The following TANGO6 variants were observed in gnomAD, a reference collection of about 807,000 sequenced individuals.
TANGO6 encodes the protein transport and golgi organization 6 homolog.
A neutral mutation model predicts 114.2 loss-of-function variants in TANGO6; 90 were observed. The observed-to-expected ratio is 0.79, with a 90% CI of 0.66 to 0.94. TANGO6 has a LOEUF of 0.94. Among genes scored for constraint, TANGO6 ranks in the 40% least tolerant of loss-of-function variants. TANGO6 has a pLI of 0.00. For missense variants in TANGO6, 1,274 were observed against 1,315.3 expected, an observed-to-expected ratio of 0.97 and a Z score of 0.49; for synonymous variants, 477 against 509.8, an observed-to-expected ratio of 0.94 and a Z score of 0.87.
At chr16:68,858,098 C>T (rs1962029475) in intron 1 of TANGO6, among the ~76,000 whole-genome samples, 1 of 149,674 alleles carries the variant, frequency 6.7e-6, no homozygotes, top group African/African-American at 2.5e-5. Context: ...GAGTCTCACT[C>T]TGTCACCCAG....
rs1023792646 is a variant in TANGO6 at position 68,868,171 on chromosome 16, A to G, written c.994+951A>G. Among the ~76,000 whole-genome samples, 5 of 151,972 alleles carry G rather than the reference A, an allele frequency of 3.3e-5. No individual in the cohort carries two copies. In the East Asian group the frequency reaches 9.7e-4, roughly 29 times the overall value. ...AAAAAAAAAAAAAAAAGTTAAATGT[A>G]AAATAATTTTCTTGAAGCCAGAAAT... On this transcript the variant is annotated intron_variant, in intron 4 of 17. Transcript: ENST00000261778.
chr16:69,053,792 G>C lies in TANGO6; in HGVS notation c.3108+13371G>C, dbSNP rs998989285. Reference sequence around the variant, plus strand: ...AAGAATCTTAGTCTCGGCCAGGCACGGTGGCTCACGCCTGTAATCCTAGCA... The same window carrying C: ...AAGAATCTTAGTCTCGGCCAGGCACCGTGGCTCACGCCTGTAATCCTAGCA... On this transcript the variant is annotated intron_variant, in intron 17 of 17. Coordinates refer to ENST00000261778, the MANE Select transcript of TANGO6 (RefSeq NM_024562.2). 3.3e-5 allele frequency among the ~76,000 whole-genome samples: 5 copies of C among 152,118 alleles called. No homozygotes were observed. In the East Asian group the frequency reaches 5.8e-4, roughly 18 times the overall value.
chr16:68,962,998 G>A (rs1410946147), intron 14 of TANGO6, among the ~76,000 whole-genome samples: 1 of 150,616 alleles, frequency 6.6e-6, no homozygotes, highest in Non-Finnish European at 1.5e-5. Context: ...GGAGGCTGAG[G>A]CAGGAGAATG....
At chr16:68,900,581 T>G (rs1463187990) in intron 8 of TANGO6, 35 bp downstream of exon 8, 9 of 1,482,126 alleles carry the variant, frequency 6.1e-6, no homozygotes, top group Non-Finnish European at 8.3e-6. Context: ...TGTTTATAAA[T>G]TGTGACGTCT....
At chr16:69,008,628 G>C (rs748560562) in intron 15 of TANGO6, among the ~76,000 whole-genome samples, 1 of 151,134 alleles carries the variant, frequency 6.6e-6, no homozygotes, top group Non-Finnish European at 1.5e-5. Flanking sequence ...GTTTTGTTTT[G>C]TTTTGTTTGT....
rs60702668 is a variant in TANGO6, at chr16:69,074,798, CTGTGTGTG to C, written c.3109-8653_3109-8646del. 8.8e-3 allele frequency among the ~76,000 whole-genome samples: 1,191 copies of C among 135,230 alleles called. 14 individuals carry two copies. The highest frequency in any genetic ancestry group is 0.026 in the African/African-American group (944 of 36,266). 88.7% of individuals were successfully genotyped at this position (135,230 alleles called of 152,430 possible). ...AATGGAGTCACTCTGGTTCGAATGC[CTGTGTGTG>C]TGTGTGTGTGTGTGTGTGTGTGTGT... On this transcript the variant is annotated intron_variant, in intron 17 of 17. Coordinates refer to ENST00000261778, the MANE Select transcript of TANGO6 (RefSeq NM_024562.2).
At chr16:69,020,745 C>A (rs1213987750) in intron 15 of TANGO6, among the ~76,000 whole-genome samples, 4 of 152,024 alleles carry the variant, frequency 2.6e-5, no homozygotes, top group East Asian at 1.9e-4. Flanking sequence ...ACAAAAAAAT[C>A]AAAAAATTAG....
At position 68,997,603 on chromosome 16, in the gene TANGO6, A is replaced by G. The variant is rs75132390; in HGVS notation, c.2842+23435A>G. On this transcript the variant is annotated intron_variant, in intron 15 of 17. Coordinates refer to ENST00000261778, the MANE Select transcript of TANGO6 (RefSeq NM_024562.2). ...TACCATTTTCTTTTTGGTGGGTTTTAGCCGGCTTCTTTACCACATCTCATT... is the reference window on the plus strand; with the variant it reads ...TACCATTTTCTTTTTGGTGGGTTTTGGCCGGCTTCTTTACCACATCTCATT... 6.2e-3 allele frequency among the ~76,000 whole-genome samples: 941 copies of G among 152,286 alleles called. 9 individuals are homozygous for G. Among genetic ancestry groups the G allele is most frequent in the African/African-American group, 0.021 (864 of 41,552 alleles).
At chr16:68,861,298 A>G (rs1193843970) in intron 2 of TANGO6, among the ~76,000 whole-genome samples, 2 of 152,192 alleles carry the variant, frequency 1.3e-5, no homozygotes, top group Non-Finnish European at 2.9e-5. Flanking sequence ...AGGCGCAGTG[A>G]TTCCGCAGCC....
chr16:69,031,267 T>C (rs188678868), intron 16 of TANGO6, among the ~76,000 whole-genome samples: 3 of 152,060 alleles, frequency 2.0e-5, no homozygotes, highest in Admixed American at 6.6e-5. Context: ...AGAACCCATC[T>C]TGATTCATCT....
At position 68,909,807 on chromosome 16, in the gene TANGO6, A is replaced by G. The variant is rs147196034; in HGVS notation, c.1992+405A>G. ...TCTTCGTCCTACTCAAGCTCCATGGATGATCTAAGGTGTATCAAAACTTGA... is the reference window on the plus strand; with the variant it reads ...TCTTCGTCCTACTCAAGCTCCATGGGTGATCTAAGGTGTATCAAAACTTGA... On this transcript the variant is annotated intron_variant, in intron 11 of 17. Coordinates refer to ENST00000261778, the MANE Select transcript of TANGO6 (RefSeq NM_024562.2). Among the ~76,000 whole-genome samples the G allele has an allele frequency of 4.5e-3, 684 of 152,258 alleles. 3 individuals carry two copies. Among genetic ancestry groups the G allele is most frequent in the South Asian group, 0.017 (81 of 4,820 alleles).
intron 11 of TANGO6, among the ~76,000 whole-genome samples, chr16:68,918,394 C>T (rs969851375): frequency 6.6e-6 from 1 of 152,174 alleles, no homozygotes; most frequent in Non-Finnish European, 1.5e-5. Flanking sequence ...CTTTCTTTCA[C>T]GGATTGTGCC....
intron 15 of TANGO6, among the ~76,000 whole-genome samples, chr16:69,021,052 T>G (rs375464666): frequency 2.0e-5 from 3 of 152,226 alleles, no homozygotes; most frequent in African/African-American, 4.8e-5. Flanking sequence ...TGGACATACA[T>G]GGTACCCAAC....
At chr16:69,056,510 C>G (rs1402762176) in intron 17 of TANGO6, among the ~76,000 whole-genome samples, 1 of 151,710 alleles carries the variant, frequency 6.6e-6, no homozygotes, top group Non-Finnish European at 1.5e-5. Flanking sequence ...CTGTATACAA[C>G]TAGACATTCT....
intron 7 of TANGO6, among the ~76,000 whole-genome samples, chr16:68,898,708 T>A (rs928395601): frequency 6.6e-6 from 1 of 152,072 alleles, no homozygotes; most frequent in African/African-American, 2.4e-5. Flanking sequence ...ACAAGCTAGC[T>A]CTTTAAAGAA....
intron 13 of TANGO6, 49 bp from the exon 14 acceptor site, chr16:68,930,189 C>T: frequency 6.7e-7 from 1 of 1,503,598 alleles, no homozygotes. Flanking sequence ...CCTCTTAAAT[C>T]TTCCTTGTTC....
intron 17 of TANGO6, among the ~76,000 whole-genome samples, chr16:69,052,517 C>T (rs1025918054): frequency 6.6e-6 from 1 of 151,952 alleles, no homozygotes; most frequent in African/African-American, 2.4e-5. Flanking sequence ...CTGCCCACCT[C>T]GGCCTCCCAA....
intron 16 of TANGO6, among the ~76,000 whole-genome samples, chr16:69,028,385 T>C (rs1049218282): frequency 1.3e-5 from 2 of 152,116 alleles, no homozygotes; most frequent in Non-Finnish European, 2.9e-5. Flanking sequence ...ATCTCAGCAC[T>C]TTGGGAGGCC....
chr16:68,855,604 G>T (rs1961975695), intron 1 of TANGO6, among the ~76,000 whole-genome samples: 1 of 151,730 alleles, frequency 6.6e-6, no homozygotes, highest in South Asian at 2.1e-4. Context: ...TTAAATTTCA[G>T]CCGGGCGTGG....
Sources: gnomAD v4.1 joint callset for allele counts (sites outside exome capture counted in the v4.1 genomes callset) on GRCh38, gnomAD v4.1.1 for gene constraint, MANE v1.5 for transcripts, NCBI Gene and HGNC (gene_info 2026-07-23, HGNC 2026-07-21) for gene names.